LPIN1: variants seen among roughly 807,000 people sequenced by gnomAD.
The protein encoded by LPIN1 is phosphatidate phosphatase LPIN1.
A neutral mutation model predicts 107.5 loss-of-function variants in LPIN1; 71 were observed. The ratio of observed to expected loss-of-function variants is 0.66; its 90% CI spans 0.55 to 0.80. The LOEUF is 0.80. Among genes scored for constraint, LPIN1 ranks in the 30% least tolerant of loss-of-function variants. LPIN1 has a pLI of 0.00. For synonymous variants in LPIN1, 445 were observed against 452.6 expected (o/e 0.98, Z 0.21); for missense variants, 1,043 against 1,160.6 (o/e 0.90, Z 1.47).
upstream of LPIN1, chr2:11,746,148 T>C (rs1175194513): frequency 6.6e-6 from 1 of 152,440 alleles, no homozygotes; most frequent in South Asian, 2.1e-4. Flanking sequence ...TAAGAAGAGA[T>C]GGCGATAGGT....
chr2:11,821,278 A>G lies in LPIN1; in HGVS notation c.2621+764A>G, dbSNP rs375598698. 6.6e-5 allele frequency among the ~76,000 whole-genome samples: 10 copies of G among 152,158 alleles called. No homozygotes were observed. The East Asian group carries it at 1.9e-3, about 29-fold the overall frequency. ...ATGCCTGTAATCCCAGCACTTTGGGAGGCTGAGGTGGGTGGATCACCTGAG... is the reference window on the plus strand; with the variant it reads ...ATGCCTGTAATCCCAGCACTTTGGGGGGCTGAGGTGGGTGGATCACCTGAG... On this transcript the variant is annotated intron_variant, in intron 20 of 20. Coordinates refer to ENST00000674199, the MANE Select transcript of LPIN1 (RefSeq NM_001349206.2).
intron 1 of LPIN1, among the ~76,000 whole-genome samples, chr2:11,684,427 T>C (rs1661891063): frequency 6.6e-6 from 1 of 152,216 alleles, no homozygotes; most frequent in Non-Finnish European, 1.5e-5. Context: ...ATCCTCCTGC[T>C]TTGGCCTCTC....
chr2:11,809,860 G>A (rs889439136), intron 17 of LPIN1, among the ~76,000 whole-genome samples: 3 of 152,148 alleles, frequency 2.0e-5, no homozygotes, highest in Non-Finnish European at 4.4e-5. Context: ...ATCAGGAGTC[G>A]GGCCAGGATC....
intron 7 of LPIN1, among the ~76,000 whole-genome samples, chr2:11,781,071 A>T (rs1311145816): frequency 6.6e-6 from 1 of 152,260 alleles, no homozygotes; most frequent in Non-Finnish European, 1.5e-5. Context: ...GGTCCTTAGA[A>T]GATGCTATAG....
chr2:11,753,218 C>CTTTGGT (rs1558805069), intron 1 of LPIN1, among the ~76,000 whole-genome samples: 1 of 152,088 alleles, frequency 6.6e-6, no homozygotes, highest in African/African-American at 2.4e-5. Flanking sequence ...GCTTTGGTGG[C>CTTTGGT]GGGACCCCAG....
intron 14 of LPIN1, among the ~76,000 whole-genome samples, chr2:11,802,367 A>G (rs1677905658): frequency 6.6e-6 from 1 of 152,194 alleles, no homozygotes; most frequent in African/African-American, 2.4e-5. Context: ...TTCCTTGCTC[A>G]TGGGATGACC....
Position 11,795,400 on chromosome 2 carries a change from T to C in LPIN1, c.1807-8T>C. 3 of 1,612,958 alleles carry C rather than the reference T, an allele frequency of 1.9e-6. No homozygotes were observed. The highest frequency in any genetic ancestry group is 2.5e-6 in the Non-Finnish European group (3 of 1,179,194). ...ACTTCTGTGACTCTTTCTTTTCTTCTTTTCTAGGAAAGTAAGCCAGAGCAG... is the reference window on the plus strand; with the variant it reads ...ACTTCTGTGACTCTTTCTTTTCTTCCTTTCTAGGAAAGTAAGCCAGAGCAG... On this transcript the variant is annotated splice_region_variant and splice_polypyrimidine_tract_variant and intron_variant, in intron 13 of 20. Coordinates refer to ENST00000674199, the MANE Select transcript of LPIN1 (RefSeq NM_001349206.2).
rs1338098329 is a variant in LPIN1 at position 11,765,895 on chromosome 2, T to A, written c.192+162T>A. Among the ~76,000 whole-genome samples, 1 of 152,224 alleles carries A rather than the reference T, an allele frequency of 6.6e-6. No individual in the cohort carries two copies. Among genetic ancestry groups the A allele is most frequent in the Non-Finnish European group, 1.5e-5 (1 of 68,040 alleles). On this transcript the variant is annotated intron_variant, in intron 2 of 20. Coordinates refer to ENST00000674199, the MANE Select transcript of LPIN1 (RefSeq NM_001349206.2). The surrounding 1 kb of genome is among the most constrained non-coding windows in gnomAD (Gnocchi z 4.4). Reference sequence around the variant, plus strand: ...CAGTGACTAATTGAAATTATTCTAGTTAGTATGGCTGTGTAAATTAAAGTG... The same window carrying A: ...CAGTGACTAATTGAAATTATTCTAGATAGTATGGCTGTGTAAATTAAAGTG...
chr2:11,725,463 C>T (rs1018700795), intron 1 of LPIN1, among the ~76,000 whole-genome samples: 4 of 152,134 alleles, frequency 2.6e-5, no homozygotes, highest in African/African-American at 9.7e-5. Flanking sequence ...AATTCCTAAA[C>T]CAGGACTCAG....
chr2:11,774,765 A>G lies in LPIN1; in HGVS notation c.722+1020A>G, dbSNP rs1343612219. Among the ~76,000 whole-genome samples the G allele has an allele frequency of 6.6e-6, 1 of 152,124 alleles. No individual in the cohort carries two copies. The highest frequency in any genetic ancestry group is 1.5e-5 in the Non-Finnish European group (1 of 68,018). On this transcript the variant is annotated intron_variant, in intron 5 of 20. Transcript: ENST00000674199. The surrounding 1 kb of genome is among the most constrained non-coding windows in gnomAD (Gnocchi z 4.4). ...CAGTGTGTGCTGACATGGAGGTTGG[A>G]GAGAAAATAGATATGTCCCATGCCT...
chr2:11,805,529 A>G, intron 17 of LPIN1: 2 of 340,334 alleles, frequency 5.9e-6, no homozygotes, highest in Non-Finnish European at 1.1e-5. Flanking sequence ...CTGTAGACTA[A>G]AAAGTTGCAG....
At chr2:11,779,423 T>C in intron 6 of LPIN1, 96 bp from the exon 7 acceptor site, 1 of 1,286,266 alleles carries the variant, frequency 7.8e-7, no homozygotes, top group Non-Finnish European at 1.1e-6. Flanking sequence ...CAGCTGGGGG[T>C]GCATTTTCTG....
intron 1 of LPIN1, among the ~76,000 whole-genome samples, chr2:11,733,744 G>A (rs1263380788): frequency 5.9e-5 from 9 of 152,056 alleles, no homozygotes; most frequent in Non-Finnish European, 1.2e-4. Context: ...TTCCCGCCTC[G>A]GCCTCCCAAA....
intron 1 of LPIN1, among the ~76,000 whole-genome samples, chr2:11,708,574 A>C (rs1032416031): frequency 6.6e-6 from 1 of 152,092 alleles, no homozygotes; most frequent in Non-Finnish European, 1.5e-5. Context: ...GGGAGCCATG[A>C]AAGGTTTTCA....
chr2:11,740,432 G>A (rs954932736), intron 1 of LPIN1, among the ~76,000 whole-genome samples: 3 of 152,122 alleles, frequency 2.0e-5, no homozygotes, highest in East Asian at 1.9e-4. Flanking sequence ...TAACTTCCCC[G>A]CACTTTGCGA....
At chr2:11,819,639 T>C in intron 19 of LPIN1, 41 bp downstream of exon 19, 1 of 1,381,032 alleles carries the variant, frequency 7.2e-7, no homozygotes, top group Middle Eastern at 1.8e-4. Flanking sequence ...TTGAAATGAC[T>C]GCCTTTTCTG....
Position 11,824,938 on chromosome 2 carries a change from C to A in LPIN1, c.*147C>A. ...AGAGAGAATTGAGAAGCATTTCTCCCCTGCCCCACCCCGGGGCTGACATTT... is the reference window on the plus strand; with the variant it reads ...AGAGAGAATTGAGAAGCATTTCTCCACTGCCCCACCCCGGGGCTGACATTT... On this transcript the variant is annotated 3_prime_UTR_variant, in exon 21 of 21. Coordinates refer to ENST00000674199, the MANE Select transcript of LPIN1 (RefSeq NM_001349206.2). 2.3e-6 allele frequency: 2 copies of A among 881,342 alleles called. No homozygotes were observed. Among genetic ancestry groups the A allele is most frequent in the South Asian group, 3.1e-5 (2 of 64,090 alleles). The allele number at this position is 881,342 out of a possible 1,614,324, so 54.6% of individuals were successfully genotyped here. A position where few individuals can be genotyped will look rare whatever the true frequency, so the allele number is the denominator to read the frequency against.
rs904694541 is a variant in LPIN1 at position 11,765,330 on chromosome 2, C to T, written c.-9-203C>T. Among the ~76,000 whole-genome samples the T allele has an allele frequency of 1.3e-5, 2 of 151,540 alleles. No individual in the cohort carries two copies. The highest frequency in any genetic ancestry group is 1.3e-4 in the Admixed American group (2 of 15,256). On this transcript the variant is annotated intron_variant, in intron 1 of 20. Transcript: ENST00000674199. The surrounding 1 kb of genome is among the most constrained non-coding windows in gnomAD (Gnocchi z 4.4). The stretch of plus-strand genomic sequence containing the variant: ...ATGGACCCTGATGGGCCATGATGGA[C>T]ACTGATGGGCCGTGATGGGCCCTGA...
chr2:11,738,935 T>G (rs1666061877), intron 1 of LPIN1, among the ~76,000 whole-genome samples: 1 of 152,232 alleles, frequency 6.6e-6, no homozygotes, highest in South Asian at 2.1e-4. Flanking sequence ...GGGGATATTG[T>G]GTGTCTGTGA....
Sources: gnomAD v4.1 joint callset for allele counts (sites outside exome capture counted in the v4.1 genomes callset) on GRCh38, gnomAD v4.1.1 for gene constraint, Gnocchi (gnomAD v3.1) non-coding constraint, MANE v1.5 for transcripts, NCBI Gene and HGNC (gene_info 2026-07-23, HGNC 2026-07-21) for gene names.